EXOC1L: variants seen among roughly 807,000 people sequenced by gnomAD.
The protein encoded by EXOC1L is exocyst complex component 1 like, also known as exocyst complex component 1-like.
EXOC1L carries 10 observed loss-of-function variants against 4.9 expected under a neutral mutation model. The observed-to-expected ratio is 2.02, with a 90% CI of 1.25 to 3.43. EXOC1L has a LOEUF of 3.43. Ranked by LOEUF, EXOC1L falls within the 30% of genes most tolerant of loss-of-function variation. The pLI is 0.00. For missense variants in EXOC1L, 114 were observed against 59.4 expected (o/e 1.92, Z -3.02); for synonymous variants, 41 against 20.8 (o/e 1.97, Z -2.63).
At chr4:55,824,773 G>A (rs571360109) in intron 1 of EXOC1L, among the ~76,000 whole-genome samples, 95 of 152,240 alleles carry the variant, frequency 6.2e-4, no homozygotes, top group African/African-American at 1.1e-3. Context: ...GTTACCTTGC[G>A]TTTATTGTGA....
At chr4:55,827,432 T>C (rs1719912318) in intron 1 of EXOC1L, among the ~76,000 whole-genome samples, 1 of 152,184 alleles carries the variant, frequency 6.6e-6, no homozygotes, top group South Asian at 2.1e-4. Context: ...TATTTCTTAT[T>C]TGCAGAACTG....
chr4:55,833,915 T>C (rs976330576), intron 2 of EXOC1L, among the ~76,000 whole-genome samples: 1 of 151,940 alleles, frequency 6.6e-6, no homozygotes. Context: ...AATACTCAAT[T>C]GCCAGAAGAA....
chr4:55,831,547 G>C, intron 2 of EXOC1L, 83 bp downstream of exon 2: 2 of 577,070 alleles, frequency 3.5e-6, no homozygotes, highest in Non-Finnish European at 3.1e-6. Context: ...TATATTCTTG[G>C]CATGTACTAA....
intron 2 of EXOC1L, among the ~76,000 whole-genome samples, chr4:55,835,476 G>A (rs1204337725): frequency 1.3e-5 from 2 of 151,956 alleles, no homozygotes; most frequent in Admixed American, 1.3e-4. Flanking sequence ...CCCACCAGCA[G>A]TGTAAAAGTG....
chr4:55,833,222 AAAG>A (rs1437337884), intron 2 of EXOC1L, among the ~76,000 whole-genome samples: 1 of 151,888 alleles, frequency 6.6e-6, no homozygotes, highest in Non-Finnish European at 1.5e-5. Flanking sequence ...TATGCTTCCA[AAAG>A]AATATCTCAG....
chr4:55,833,904 A>T (rs573207296), intron 2 of EXOC1L, among the ~76,000 whole-genome samples: 10 of 151,942 alleles, frequency 6.6e-5, no homozygotes, highest in Non-Finnish European at 1.2e-4. Context: ...TTAAGACCTA[A>T]AATACTCAAT....
intron 1 of EXOC1L, among the ~76,000 whole-genome samples, chr4:55,827,545 T>TGAATGTG (rs1553920096): frequency 6.6e-6 from 1 of 152,198 alleles, no homozygotes; most frequent in Non-Finnish European, 1.5e-5. Flanking sequence ...AACACAGTGC[T>TGAATGTG]TGGTACAAAA....
chr4:55,832,827 A>C (rs1172842494), intron 2 of EXOC1L, among the ~76,000 whole-genome samples: 1 of 151,948 alleles, frequency 6.6e-6, no homozygotes, highest in Non-Finnish European at 1.5e-5. Context: ...TCATATATTC[A>C]TTTATTCCTT....
intron 2 of EXOC1L, among the ~76,000 whole-genome samples, chr4:55,835,758 C>A (rs2110286597): frequency 6.6e-6 from 1 of 151,954 alleles, no homozygotes; most frequent in African/African-American, 2.4e-5. Context: ...GATATTAGTC[C>A]TTTCTTGGAT....
In EXOC1L at chr4:55,837,343, C is replaced by G. The variant is rs1004544800; in HGVS notation, c.511C>G (p.Pro171Ala). The G allele has an allele frequency of 8.3e-6, 5 of 598,922 alleles. No individual in the cohort carries two copies. The African/African-American group carries it at 9.2e-5, about 11-fold the overall frequency. 37.1% of individuals were successfully genotyped at this position (598,922 alleles called of 1,614,324 possible). ...TGTGTGCTTGTCCCTATGTCCCTTG[C>G]CACTCTGAAGCTGTGTACCACATTC... ...NLVCLSLCPL[P>A]L The change falls in exon 3 of 3, where the codon CCA (proline) becomes GCA (alanine). Residue 171 changes from proline (P) to alanine (A), a missense_variant. Coordinates refer to ENST00000636125, the MANE Select transcript of EXOC1L (RefSeq NM_001351574.3).
At chr4:55,834,417 A>G (rs527620558) in intron 2 of EXOC1L, among the ~76,000 whole-genome samples, 1 of 151,960 alleles carries the variant, frequency 6.6e-6, no homozygotes, top group East Asian at 1.9e-4. Flanking sequence ...ACATATCAAT[A>G]AATGATTCCT....
chr4:55,827,645 GTGGAATTTGCTCCA>G (rs1719918963), intron 1 of EXOC1L, among the ~76,000 whole-genome samples: 1 of 152,180 alleles, frequency 6.6e-6, no homozygotes, highest in South Asian at 2.1e-4. Flanking sequence ...AGATGAGGCA[GTGGAATTTGCTCCA>G]TGAAAATTAC....
chr4:55,828,179 C>T (rs1343677905), intron 1 of EXOC1L, among the ~76,000 whole-genome samples: 1 of 152,168 alleles, frequency 6.6e-6, no homozygotes, highest in East Asian at 1.9e-4. Context: ...CTTCCTATTA[C>T]CTTTGTAAAT....
chr4:55,826,653 T>C (rs1052472552), intron 1 of EXOC1L, among the ~76,000 whole-genome samples: 1 of 152,218 alleles, frequency 6.6e-6, no homozygotes, highest in African/African-American at 2.4e-5. Flanking sequence ...TTTGATTATA[T>C]AAACACATTT....
chr4:55,820,619 TC>T (rs1236049416), intron 1 of EXOC1L, among the ~76,000 whole-genome samples: 28 of 152,360 alleles, frequency 1.8e-4, no homozygotes, highest in African/African-American at 6.7e-4. Context: ...TAGATTTTCT[TC>T]TGAGGGCTTT....
At chr4:55,829,591 G>A (rs1488028712) in intron 1 of EXOC1L, among the ~76,000 whole-genome samples, 2 of 152,176 alleles carry the variant, frequency 1.3e-5, no homozygotes, top group Non-Finnish European at 2.9e-5. Context: ...ACGAACAGGT[G>A]TTGCTATAAG....
chr4:55,822,392 T>C (rs1446841812), intron 1 of EXOC1L, among the ~76,000 whole-genome samples: 3 of 152,174 alleles, frequency 2.0e-5, no homozygotes, highest in African/African-American at 7.2e-5. Flanking sequence ...CCTTAGGGTT[T>C]GCATGGTCAT....
At chr4:55,835,834 T>C (rs2110286632) in intron 2 of EXOC1L, among the ~76,000 whole-genome samples, 1 of 152,166 alleles carries the variant, frequency 6.6e-6, no homozygotes, top group East Asian at 1.9e-4. Context: ...TTATTTCTTT[T>C]GCTGTGCAGA....
intron 1 of EXOC1L, among the ~76,000 whole-genome samples, 198 bp downstream of exon 1, chr4:55,820,345 A>T (rs766076327): frequency 2.0e-5 from 3 of 152,220 alleles, no homozygotes; most frequent in Non-Finnish European, 2.9e-5. Context: ...AGAAAAAAAC[A>T]TTGTATTAGA....
Sources: allele counts gnomAD v4.1 joint callset (sites outside exome capture counted in the v4.1 genomes callset), GRCh38; gene constraint gnomAD v4.1.1; transcripts MANE v1.5; gene names NCBI Gene and HGNC (gene_info 2026-07-23, HGNC 2026-07-21).